PCSK5: variants seen among roughly 807,000 people sequenced by gnomAD.
The protein encoded by PCSK5 is prohormone convertase 5.
A neutral mutation model predicts 233.2 loss-of-function variants in PCSK5; 129 were observed. That is an observed-to-expected ratio of 0.55 (90% confidence interval 0.48 to 0.64). PCSK5 has a LOEUF of 0.64. Among genes scored for constraint, PCSK5 ranks in the 30% least tolerant of loss-of-function variants. The pLI is 0.00. For synonymous variants in PCSK5, 825 were observed against 879.2 expected, an observed-to-expected ratio of 0.94 and a Z score of 1.09; for missense variants, 2,076 against 2,430.1, an observed-to-expected ratio of 0.85 and a Z score of 3.06.
intron 2 of PCSK5, among the ~76,000 whole-genome samples, chr9:75,973,631 A>G (rs1825893558): frequency 1.3e-5 from 2 of 152,192 alleles, no homozygotes; most frequent in African/African-American, 4.8e-5. Flanking sequence ...TCTAGCCTAT[A>G]GTCTCAGTCT....
intron 2 of PCSK5, among the ~76,000 whole-genome samples, chr9:75,944,186 T>A (rs7869300): frequency 0.16 from 24,186 of 149,446 alleles, 2,173 homozygotes; most frequent in Middle Eastern, 0.23. Flanking sequence ...AGAAAAAAAA[T>A]ATATATATAT....
chr9:76,250,290 G>A (rs1826761054), intron 24 of PCSK5, among the ~76,000 whole-genome samples: 1 of 152,148 alleles, frequency 6.6e-6, no homozygotes, highest in African/African-American at 2.4e-5. Context: ...GACAGAGTGA[G>A]ACTCTGTCTC....
At chr9:75,904,334 G>A (rs540776389) in intron 1 of PCSK5, among the ~76,000 whole-genome samples, 22 of 152,246 alleles carry the variant, frequency 1.4e-4, no homozygotes, top group South Asian at 4.2e-4. Flanking sequence ...GAGGGACACC[G>A]TGAAGAAAGT....
intron 2 of PCSK5, among the ~76,000 whole-genome samples, chr9:75,971,200 C>A (rs188541786): frequency 2.0e-5 from 3 of 151,764 alleles, no homozygotes; most frequent in Non-Finnish European, 4.4e-5. Context: ...TTTCTGTTCC[C>A]GTGTTTGTTT....
intron 3 of PCSK5, among the ~76,000 whole-genome samples, chr9:75,990,181 T>G (rs747598122): frequency 7.9e-5 from 12 of 152,194 alleles, no homozygotes; most frequent in Non-Finnish European, 1.3e-4. Flanking sequence ...CTTCTTCCTT[T>G]TCCTGAGCCC....
intron 5 of PCSK5, among the ~76,000 whole-genome samples, chr9:76,048,587 A>G (rs535903279): frequency 6.4e-4 from 98 of 152,348 alleles, no homozygotes; most frequent in African/African-American, 2.2e-3. Flanking sequence ...AAGTTCTTTC[A>G]AAGTAAGATG....
chr9:75,899,050 G>C (rs979229677), intron 1 of PCSK5, among the ~76,000 whole-genome samples: 1 of 152,172 alleles, frequency 6.6e-6, no homozygotes, highest in African/African-American at 2.4e-5. Flanking sequence ...ATGGAAACAG[G>C]AGCCATGACA....
chr9:76,007,830 G>GTGTGTT (rs1368639421), intron 3 of PCSK5, among the ~76,000 whole-genome samples: 5 of 149,844 alleles, frequency 3.3e-5, no homozygotes, highest in African/African-American at 1.2e-4. Flanking sequence ...GTGTGTGTGT[G>GTGTGTT]TGTGTGTGTG....
chr9:76,192,222 G>A lies in PCSK5; in HGVS notation c.2626+2476G>A, dbSNP rs952735332. Among the ~76,000 whole-genome samples the A allele has an allele frequency of 2.0e-5, 3 of 152,244 alleles. No individual in the cohort carries two copies. In the East Asian group the frequency reaches 5.8e-4, roughly 29 times the overall value. ...CCATGGTGAGCACTGGATAAGTTAT[G>A]TCAAATGGCACTTTGCTAAAAGCGG... On this transcript the variant is annotated intron_variant, in intron 20 of 37. Coordinates refer to ENST00000674117, the MANE Select transcript of PCSK5 (RefSeq NM_001372043.1).
chr9:76,173,138 G>A (rs979499175), intron 13 of PCSK5, among the ~76,000 whole-genome samples: 1 of 152,220 alleles, frequency 6.6e-6, no homozygotes, highest in African/African-American at 2.4e-5. Flanking sequence ...TATTGGGACT[G>A]TTAGTACCCA....
intron 5 of PCSK5, among the ~76,000 whole-genome samples, chr9:76,063,962 A>AC (rs1230305913): frequency 1.4e-4 from 9 of 64,224 alleles, no homozygotes; most frequent in South Asian, 7.7e-4. Context: ...CGGAGGGCTG[A>AC]CCCCCCCACC....
At chr9:75,995,044 TC>T in intron 3 of PCSK5, among the ~76,000 whole-genome samples, 1 of 152,178 alleles carries the variant, frequency 6.6e-6, no homozygotes, top group Non-Finnish European at 1.5e-5. Context: ...CCTTCACAGA[TC>T]CTTTAAACAT....
rs756366598 is a variant in PCSK5, at chr9:76,096,089, A to G, written c.1094A>G (p.Tyr365Cys). The G allele has an allele frequency of 1.2e-6, 2 of 1,613,216 alleles. No homozygotes were observed. The highest frequency in any genetic ancestry group is 1.7e-6 in the Non-Finnish European group (2 of 1,179,286). Reference protein sequence around the residue: ...LATTYSSGESYDKKIITTDLR... With the variant: ...LATTYSSGESCDKKIITTDLR... ...ACAACCTACAGCAGCGGGGAGTCCT[A>G]CGATAAGAAAATCGTACGTGACATG... The change falls in exon 8 of 38, where the codon TAC becomes TGC. Residue 365 changes from tyrosine to cysteine, a missense_variant. By Grantham distance (194) the Tyr-to-Cys change is radical. Coordinates refer to ENST00000674117, the MANE Select transcript of PCSK5 (RefSeq NM_001372043.1).
chr9:75,994,598 A>C (rs1826931063), intron 3 of PCSK5, among the ~76,000 whole-genome samples: 3 of 151,056 alleles, frequency 2.0e-5, no homozygotes, highest in Admixed American at 2.0e-4. Context: ...ACTTTTTTGT[A>C]TTTTTAGTAG....
intron 5 of PCSK5, among the ~76,000 whole-genome samples, chr9:76,051,577 C>T (rs991342933): frequency 1.9e-4 from 29 of 151,896 alleles, no homozygotes; most frequent in Non-Finnish European, 3.5e-4. Flanking sequence ...TAATACTTAT[C>T]TCAGTAGAGC....
chr9:76,117,133 G>A (rs901266209), intron 9 of PCSK5, among the ~76,000 whole-genome samples: 16 of 151,848 alleles, frequency 1.1e-4, no homozygotes, highest in Non-Finnish European at 1.5e-4. Context: ...AGTCATAGTT[G>A]CAATGTTTAG....
chr9:76,202,954 G>GA (rs1824974440), intron 20 of PCSK5, among the ~76,000 whole-genome samples: 3 of 152,072 alleles, frequency 2.0e-5, no homozygotes, highest in African/African-American at 4.8e-5. Context: ...ATGGATAGTT[G>GA]AAAAAAATGA....
At chr9:76,070,393 G>C (rs1830443712) in intron 6 of PCSK5, among the ~76,000 whole-genome samples, 1 of 152,172 alleles carries the variant, frequency 6.6e-6, no homozygotes, top group Admixed American at 6.5e-5. Context: ...CTAGAAGAAA[G>C]ACAGTCAAGA....
intron 33 of PCSK5, among the ~76,000 whole-genome samples, chr9:76,331,666 CA>C (rs368431038): frequency 0.11 from 13,365 of 119,524 alleles, 675 homozygotes; most frequent in Non-Finnish European, 0.14. Context: ...GACTCCATCT[CA>C]AAAAAAAAAA....
Sources: gnomAD v4.1 joint callset for allele counts (sites outside exome capture counted in the v4.1 genomes callset) on GRCh38, gnomAD v4.1.1 for gene constraint, MANE v1.5 for transcripts, NCBI Gene and HGNC (gene_info 2026-07-23, HGNC 2026-07-21) for gene names.